Variants in STK10 observed in about 807,000 individuals in gnomAD.
STK10 encodes serine/threonine-protein kinase 10.
Under a neutral mutation model 113.8 loss-of-function variants are expected in STK10, and 78 were observed. The ratio of observed to expected loss-of-function variants is 0.69; its 90% CI spans 0.57 to 0.83. The LOEUF (loss-of-function observed/expected upper bound fraction) is 0.83, where lower values mean the gene tolerates loss of function less well. STK10 is among the 40% of genes least tolerant of loss of function. The pLI is 0.00. For missense variants in STK10, 1,109 were observed against 1,280.1 expected, an observed-to-expected ratio of 0.87 and a Z score of 2.04; for synonymous variants, 465 against 494.7, an observed-to-expected ratio of 0.94 and a Z score of 0.80.
At chr5:172,137,438 C>T (rs1462735989) in intron 2 of STK10, among the ~76,000 whole-genome samples, 5 of 151,690 alleles carry the variant, frequency 3.3e-5, no homozygotes, top group East Asian at 1.9e-4. Context: ...CACATTAACA[C>T]GATGAAAGGA....
chr5:172,076,531 G>T (rs1043295747), intron 12 of STK10, among the ~76,000 whole-genome samples: 8 of 152,136 alleles, frequency 5.3e-5, no homozygotes, highest in Admixed American at 6.6e-5. Context: ...ATTATAGGAA[G>T]TTAGCAGCAT....
chr5:172,137,417 A>G (rs776408806), intron 2 of STK10, among the ~76,000 whole-genome samples: 12 of 152,148 alleles, frequency 7.9e-5, no homozygotes, highest in South Asian at 2.1e-4. Context: ...AAATCTATCA[A>G]TGTAATATAC....
In STK10 at chr5:172,055,626, C is replaced by T. The variant is rs765263487; in HGVS notation, c.2488G>A (p.Gly830Arg). 3.1e-5 allele frequency: 49 copies of T among 1,558,450 alleles called. No individual in the cohort carries two copies. The highest frequency in any genetic ancestry group is 4.2e-5 in the Non-Finnish European group (48 of 1,148,094). The change falls in exon 16 of 19, where the codon GGG (glycine) becomes AGG (arginine). Residue 830 changes from glycine (G) to arginine (R), a missense_variant. Physicochemically the swap from Gly to Arg is moderately radical, Grantham distance 125. This residue lies in a region of STK10 where 885 missense variants were observed against 991.1 expected (regional missense o/e 0.89). Transcript: ENST00000176763. ...TCACGCTGCTCAGCTGCGCTGCCCC[C>T]GCCGTTGATGTGGAGGCTCTTCTTG... ...MYKKSLHINGGGSAAEQREKI... is the reference protein window; with the variant it reads ...MYKKSLHINGRGSAAEQREKI...
intron 6 of STK10, among the ~76,000 whole-genome samples, 162 bp downstream of exon 6, chr5:172,106,458 G>A (rs894514795): frequency 4.7e-5 from 7 of 148,432 alleles, no homozygotes; most frequent in South Asian, 2.1e-4. Context: ...GGCCCGGGGG[G>A]GCTCAGAAAC....
intron 1 of STK10, among the ~76,000 whole-genome samples, chr5:172,170,898 C>T (rs569129619): frequency 5.3e-5 from 8 of 152,248 alleles, no homozygotes; most frequent in Non-Finnish European, 1.0e-4. Flanking sequence ...AGACTCAATG[C>T]GGAGTTGCAG....
intron 3 of STK10, among the ~76,000 whole-genome samples, chr5:172,122,096 G>A (rs1343287215): frequency 6.6e-6 from 1 of 152,064 alleles, no homozygotes; most frequent in East Asian, 1.9e-4. Flanking sequence ...TTCAACTCCT[G>A]ACCTTGTGAT....
At position 172,120,772 on chromosome 5, in the gene STK10, G is replaced by T. The variant is rs147980852; in HGVS notation, c.371-3142C>A. 2.0e-5 allele frequency among the ~76,000 whole-genome samples: 3 copies of T among 152,154 alleles called. No individual in the cohort carries two copies. The highest frequency in any genetic ancestry group is 2.0e-4 in the Admixed American group (3 of 15,270). ...TGAGTCCAGGGCTGGAATATGTGCC[G>T]CAATCTTTTTAATGGCAAAAATGTG... is the stretch of plus-strand genomic sequence containing the variant. On this transcript the variant is annotated intron_variant, in intron 3 of 18. Coordinates refer to ENST00000176763, the MANE Select transcript of STK10 (RefSeq NM_005990.4). The surrounding 1 kb of genome is among the most constrained non-coding windows in gnomAD (Gnocchi z 4.0).
At chr5:172,114,463 ATATATATATATTTTTTTTTTTT>A (rs1160031167) in intron 4 of STK10, 4 of 31,576 alleles carry the variant, frequency 1.3e-4, no homozygotes, top group African/African-American at 5.7e-4. Flanking sequence ...ATATATATAT[ATATATATATATTTTTTTTTTTT>A]TTTTTTTTTT....
chr5:172,116,999 C>A (rs1307902263), intron 4 of STK10, among the ~76,000 whole-genome samples: 1 of 152,110 alleles, frequency 6.6e-6, no homozygotes, highest in Non-Finnish European at 1.5e-5. Context: ...AAGAAGCTGG[C>A]CAGGCACAGT....
At chr5:172,056,823 T>A (rs747641340) in intron 15 of STK10, among the ~76,000 whole-genome samples, 1 of 149,474 alleles carries the variant, frequency 6.7e-6, no homozygotes, top group African/African-American at 2.5e-5. Context: ...GCAGTGAGCC[T>A]AGATGGCGCC....
Position 172,117,470 on chromosome 5 carries a change from GAGCCCCTTACCC to G in STK10, c.519_520+10del. 1 of 1,609,338 alleles carries G rather than the reference GAGCCCCTTACCC, an allele frequency of 6.2e-7. No homozygotes were observed. The highest frequency in any genetic ancestry group is 8.5e-7 in the Non-Finnish European group (1 of 1,179,820). Reference sequence around the variant, plus strand: ...CCTGTGGCTCCACCTTTCCCACCCTGAGCCCCTTACCCAGCCTGATGTCTCCCTCGAGGGTCA... The same window carrying G: ...CCTGTGGCTCCACCTTTCCCACCCTGAGCCTGATGTCTCCCTCGAGGGTCA... On this transcript the variant is annotated splice_donor_variant and splice_donor_5th_base_variant and coding_sequence_variant and intron_variant, in exon 4 of 19. Transcript: ENST00000176763. LOFTEE classifies it high-confidence loss of function.
intron 2 of STK10, among the ~76,000 whole-genome samples, chr5:172,134,440 C>T (rs1382611208): frequency 6.6e-6 from 1 of 152,042 alleles, no homozygotes; most frequent in Non-Finnish European, 1.5e-5. Context: ...TTTCCATATC[C>T]TCCCATCTTT....
At chr5:172,122,278 C>T (rs1473272279) in intron 3 of STK10, among the ~76,000 whole-genome samples, 1 of 152,050 alleles carries the variant, frequency 6.6e-6, no homozygotes, top group African/African-American at 2.4e-5. Context: ...AGTCATGGAA[C>T]CCCCATCACA....
chr5:172,126,828 T>A (rs192119097), intron 3 of STK10, among the ~76,000 whole-genome samples: 41 of 152,220 alleles, frequency 2.7e-4, no homozygotes, highest in Admixed American at 2.4e-3. Flanking sequence ...TATCTCGGTT[T>A]TACCTCCTGA....
chr5:172,135,696 C>A (rs1366832979), intron 2 of STK10, among the ~76,000 whole-genome samples: 1 of 152,068 alleles, frequency 6.6e-6, no homozygotes, highest in Non-Finnish European at 1.5e-5. Context: ...ACATATAGAT[C>A]CAAAAGAATT....
chr5:172,126,520 C>T (rs1159662556), intron 3 of STK10, among the ~76,000 whole-genome samples: 1 of 151,992 alleles, frequency 6.6e-6, no homozygotes, highest in Non-Finnish European at 1.5e-5. Context: ...GCTGAGATTG[C>T]GCCACTGCAC....
At chr5:172,156,400 G>A (rs1770348564) in intron 2 of STK10, among the ~76,000 whole-genome samples, 1 of 152,222 alleles carries the variant, frequency 6.6e-6, no homozygotes, top group South Asian at 2.1e-4. Context: ...TCGAGGCCAG[G>A]CCATAGCGCT....
intron 1 of STK10, among the ~76,000 whole-genome samples, chr5:172,179,565 A>G (rs1770814077): frequency 6.6e-6 from 1 of 152,124 alleles, no homozygotes; most frequent in East Asian, 1.9e-4. Flanking sequence ...AAATTCCCAG[A>G]ACGGCCAGTG....
chr5:172,079,648 G>A lies in STK10; in HGVS notation c.1989+2678C>T, dbSNP rs190980656. Among the ~76,000 whole-genome samples, 53 of 152,030 alleles carry A rather than the reference G, an allele frequency of 3.5e-4. 1 individual carries two copies. Among genetic ancestry groups the A allele is most frequent in the African/African-American group, 1.1e-3 (46 of 41,466 alleles). On this transcript the variant is annotated intron_variant, in intron 12 of 18. Coordinates refer to ENST00000176763, the MANE Select transcript of STK10 (RefSeq NM_005990.4). ...ATGATCTCGGCTCACTGCAACCTCCGTCTCCTGGGTTCGAGCAGTTCTCCT... is the reference window on the plus strand; with the variant it reads ...ATGATCTCGGCTCACTGCAACCTCCATCTCCTGGGTTCGAGCAGTTCTCCT...
Sources: allele counts gnomAD v4.1 joint callset (sites outside exome capture counted in the v4.1 genomes callset), GRCh38; gene constraint gnomAD v4.1.1; regional missense constraint gnomAD v4.1.1; non-coding constraint Gnocchi (gnomAD v3.1); transcripts MANE v1.5; gene names NCBI Gene and HGNC (gene_info 2026-07-23, HGNC 2026-07-21).